Variants in DNAH11 observed in about 807,000 individuals in gnomAD.
DNAH11 encodes the protein dynein axonemal heavy chain 11.
Under a neutral mutation model 526.0 loss-of-function variants are expected in DNAH11, and 442 were observed. That is an observed-to-expected ratio of 0.84 (90% CI 0.78 to 0.91). The LOEUF is 0.91. Among genes scored for constraint, DNAH11 ranks in the 40% least tolerant of loss-of-function variants. The pLI is 0.00. For synonymous variants in DNAH11, 2,461 were observed against 1,935.9 expected (o/e 1.27, Z -7.12); for missense variants, 6,989 against 5,448.7 (o/e 1.28, Z -8.90).
Position 21,570,057 on chromosome 7 carries a change from A to T in DNAH11, c.1195-12A>T, listed in dbSNP as rs752546389. ...ATAGTTTTGATCATTGTTCCCTTTC[A>T]TTAAATCCTAGGCAACAGCTTACCT... On this transcript the variant is annotated splice_polypyrimidine_tract_variant and intron_variant, in intron 6 of 81. Coordinates refer to ENST00000409508, the MANE Select transcript of DNAH11 (RefSeq NM_001277115.2). The T allele has an allele frequency of 2.5e-6, 4 of 1,569,416 alleles. No homozygotes were observed. The highest frequency in any genetic ancestry group is 3.5e-6 in the Non-Finnish European group (4 of 1,157,462).
chr7:21,861,972 G>T lies in DNAH11; in HGVS notation c.11322G>T (p.Gln3774His). 2 of 1,613,762 alleles carry T rather than the reference G, an allele frequency of 1.2e-6. No individual in the cohort carries two copies. Among genetic ancestry groups the T allele is most frequent in the Non-Finnish European group, 1.7e-6 (2 of 1,179,808 alleles). The part of the protein sequence containing the change: ...ITHAVFLYTS[Q>H]ALFEKDKLTF... ...ATGCTGTCTTCCTCTACACCAGCCA[G>T]GCGCTGTTTGAGAAGGACAAGCTCA... Residue 3774 changes from glutamine (Q) to histidine (H), a missense_variant, in exon 69 of 82, where the codon CAG (glutamine) becomes CAT (histidine). Transcript: ENST00000409508.
At chr7:21,580,772 AT>A (rs1381868736) in intron 8 of DNAH11, among the ~76,000 whole-genome samples, 1 of 152,170 alleles carries the variant, frequency 6.6e-6, no homozygotes, top group Admixed American at 6.5e-5. Flanking sequence ...CCACTTCTTG[AT>A]ACTATCGTAT....
chr7:21,736,553 A>G (rs1393168644), intron 46 of DNAH11, among the ~76,000 whole-genome samples: 1 of 152,188 alleles, frequency 6.6e-6, no homozygotes, highest in African/African-American at 2.4e-5. Context: ...TTACATGTGG[A>G]TATATGTTGT....
chr7:21,664,661 A>G (rs1370293462), intron 30 of DNAH11, among the ~76,000 whole-genome samples: 2 of 151,952 alleles, frequency 1.3e-5, no homozygotes, highest in East Asian at 1.9e-4. Flanking sequence ...TGGTCTAACT[A>G]TGTTGAGCAG....
chr7:21,734,517 C>G (rs1425446823), intron 45 of DNAH11, among the ~76,000 whole-genome samples: 3 of 152,136 alleles, frequency 2.0e-5, no homozygotes, highest in African/African-American at 7.2e-5. Context: ...AAATGAAGTT[C>G]TAGAGTAAAT....
intron 35 of DNAH11, among the ~76,000 whole-genome samples, chr7:21,696,206 T>C (rs1274678616): frequency 6.7e-6 from 1 of 149,212 alleles, no homozygotes; most frequent in Non-Finnish European, 1.5e-5. Context: ...CTCTTTCCGT[T>C]CTTTCCAACT....
Position 21,896,878 on chromosome 7 carries a change from A to G in DNAH11, c.13049+1879A>G, listed in dbSNP as rs189913080. Among the ~76,000 whole-genome samples, 166 of 152,258 alleles carry G rather than the reference A, an allele frequency of 1.1e-3. 2 individuals carry two copies. Among genetic ancestry groups the G allele is most frequent in the African/African-American group, 3.9e-3 (160 of 41,544 alleles). ...GTTCGAAGCCAGCCTGGGCAACATA[A>G]TGAGACCCTGTCTCTAAAAAACAAT... On this transcript the variant is annotated intron_variant, in intron 79 of 81. Transcript: ENST00000409508.
At chr7:21,801,335 T>C in intron 62 of DNAH11, 60 bp downstream of exon 62, 1 of 1,590,416 alleles carries the variant, frequency 6.3e-7, no homozygotes, top group Non-Finnish European at 8.6e-7. Flanking sequence ...GTGGGGATTT[T>C]ATTATTTGCC....
At position 21,873,288 on chromosome 7, in the gene DNAH11, A is replaced by T; in HGVS notation, c.11982A>T (p.Val3994=). 1 of 1,593,058 alleles carries T rather than the reference A, an allele frequency of 6.3e-7. No individual in the cohort carries two copies. The highest frequency in any genetic ancestry group is 8.6e-7 in the Non-Finnish European group (1 of 1,168,714). Residue 3994 remains valine, a synonymous_variant, in exon 74 of 82, where the codon GTA becomes GTT. Transcript: ENST00000409508. ...CTATCTTTCAGAATGTTCATTTGGT[A>T]GCCAAGTGGCTAGGAACCTTGGAGA... ...HWVILQNVHL[V]AKWLGTLEKL...
chr7:21,631,342 C>T (rs1416008540), intron 25 of DNAH11, among the ~76,000 whole-genome samples: 1 of 152,174 alleles, frequency 6.6e-6, no homozygotes, highest in Non-Finnish European at 1.5e-5. Flanking sequence ...CATGTCCTCA[C>T]ATTTCAAAAC....
At chr7:21,604,776 G>A (rs1193297725) in intron 18 of DNAH11, among the ~76,000 whole-genome samples, 3 of 152,226 alleles carry the variant, frequency 2.0e-5, no homozygotes, top group Admixed American at 6.5e-5. Flanking sequence ...GCTCATGGAT[G>A]TAACTTCCTC....
At chr7:21,870,780 T>C (rs115752729) in intron 73 of DNAH11, among the ~76,000 whole-genome samples, 1,674 of 152,352 alleles carry the variant, frequency 0.011, 37 homozygotes, top group African/African-American at 0.038. Flanking sequence ...GGATATTTGT[T>C]TCAGACCTTT....
intron 65 of DNAH11, among the ~76,000 whole-genome samples, chr7:21,824,096 C>G (rs547651582): frequency 3.3e-5 from 5 of 152,248 alleles, no homozygotes; most frequent in Admixed American, 1.3e-4. Flanking sequence ...AGAAAACTTT[C>G]CTTTTCTAGC....
At chr7:21,598,192 G>A (rs12668619) in intron 14 of DNAH11, among the ~76,000 whole-genome samples, 54,582 of 151,984 alleles carry the variant, frequency 0.36, 10,253 homozygotes, top group East Asian at 0.77. Context: ...TCTTATTCCA[G>A]TGTCACCTTA....
intron 63 of DNAH11, among the ~76,000 whole-genome samples, chr7:21,810,204 T>C (rs549755361): frequency 6.6e-6 from 1 of 152,280 alleles, no homozygotes; most frequent in East Asian, 1.9e-4. Flanking sequence ...ATTTGCACGA[T>C]GTAAAATCAT....
At chr7:21,772,685 A>C (rs553884118) in intron 55 of DNAH11, among the ~76,000 whole-genome samples, 14 of 152,334 alleles carry the variant, frequency 9.2e-5, no homozygotes, top group African/African-American at 3.4e-4. Context: ...TTAGTAATAC[A>C]TTATTTCAGT....
chr7:21,572,377 A>G lies in DNAH11; in HGVS notation c.1593+404A>G, dbSNP rs912733763. On this transcript the variant is annotated intron_variant, in intron 8 of 81. Transcript: ENST00000409508. ...TTTCACCCCAGTCATTAAGTGTATC[A>G]TTTACATGTTGGTTGTTTCTTATAA... is the stretch of plus-strand genomic sequence containing the variant. Among the ~76,000 whole-genome samples, 4 of 152,144 alleles carry G rather than the reference A, an allele frequency of 2.6e-5. No homozygotes were observed. In the South Asian group the frequency reaches 6.2e-4, roughly 24 times the overall value.
At chr7:21,664,276 G>C (rs1336038016) in intron 30 of DNAH11, among the ~76,000 whole-genome samples, 1 of 151,760 alleles carries the variant, frequency 6.6e-6, no homozygotes, top group African/African-American at 2.4e-5. Context: ...TAGTTCTGAG[G>C]CTGGATCTCC....
At chr7:21,594,412 T>G (rs1178834968) in intron 14 of DNAH11, among the ~76,000 whole-genome samples, 4 of 152,166 alleles carry the variant, frequency 2.6e-5, no homozygotes, top group African/African-American at 9.7e-5. Context: ...CAGACAAAGT[T>G]CCTTGCTCTC....
Sources: allele counts gnomAD v4.1 joint callset (sites outside exome capture counted in the v4.1 genomes callset), GRCh38; gene constraint gnomAD v4.1.1; transcripts MANE v1.5; gene names NCBI Gene and HGNC (gene_info 2026-07-23, HGNC 2026-07-21).